Variants in IGFBP7 observed in about 807,000 individuals in gnomAD.
The protein encoded by IGFBP7 is insulin-like growth factor-binding protein 7.
Under a neutral mutation model 29.4 loss-of-function variants are expected in IGFBP7, and 31 were observed. The ratio of observed to expected loss-of-function variants is 1.05; its 90% CI spans 0.79 to 1.42. The LOEUF is 1.42. Among genes scored for constraint, IGFBP7 ranks in the 40% most tolerant of loss-of-function variants. IGFBP7 has a pLI of 0.00. For synonymous variants in IGFBP7, 172 were observed against 174.9 expected, an observed-to-expected ratio of 0.98 and a Z score of 0.13; for missense variants, 393 against 395.5, an observed-to-expected ratio of 0.99 and a Z score of 0.05.
chr4:57,039,749 T>C (rs1724174145), intron 2 of IGFBP7, among the ~76,000 whole-genome samples: 2 of 150,600 alleles, frequency 1.3e-5, no homozygotes, highest in African/African-American at 2.4e-5. Flanking sequence ...CTTAGTCTCC[T>C]GAGTAGCTGG....
intron 2 of IGFBP7, among the ~76,000 whole-genome samples, chr4:57,033,986 G>C (rs1246252473): frequency 1.4e-5 from 2 of 144,040 alleles, no homozygotes; most frequent in Non-Finnish European, 3.0e-5. Context: ...GGAGGCGGAG[G>C]TTGCAGTGAG....
intron 1 of IGFBP7, among the ~76,000 whole-genome samples, chr4:57,069,120 G>A (rs2109773529): frequency 6.6e-6 from 1 of 152,250 alleles, no homozygotes; most frequent in South Asian, 2.1e-4. Context: ...TCCTTCTAGG[G>A]GTGTTTTTAG....
chr4:57,034,177 G>C (rs1031427038), intron 2 of IGFBP7, among the ~76,000 whole-genome samples: 1 of 151,958 alleles, frequency 6.6e-6, no homozygotes, highest in Non-Finnish European at 1.5e-5. Flanking sequence ...TTTGGTGCAA[G>C]GCCAATACTG....
At chr4:57,109,808 C>A in intron 1 of IGFBP7, 69 bp downstream of exon 1, 1 of 1,469,486 alleles carries the variant, frequency 6.8e-7, no homozygotes. Context: ...CCGCCGCGGA[C>A]GCCCCGTCGG....
chr4:57,077,724 A>G (rs1256717377), intron 1 of IGFBP7, among the ~76,000 whole-genome samples: 2 of 152,232 alleles, frequency 1.3e-5, no homozygotes, highest in Admixed American at 6.5e-5. Flanking sequence ...AGGAAATGAA[A>G]TGCAAAGGGA....
chr4:57,108,607 T>A (rs1198559744), intron 1 of IGFBP7, among the ~76,000 whole-genome samples: 1 of 152,000 alleles, frequency 6.6e-6, no homozygotes, highest in African/African-American at 2.4e-5. Context: ...TGTCATGTGA[T>A]CTCGGCTCAC....
chr4:57,072,967 G>T, intron 1 of IGFBP7: 1 of 826,762 alleles, frequency 1.2e-6, no homozygotes, highest in Non-Finnish European at 2.1e-6. Flanking sequence ...GGTCTGCCCT[G>T]TATGATGTCA....
chr4:57,107,557 T>G (rs1181147485), intron 1 of IGFBP7, among the ~76,000 whole-genome samples: 1 of 152,222 alleles, frequency 6.6e-6, no homozygotes, highest in Admixed American at 6.5e-5. Context: ...CTATTGTCTC[T>G]GCTGTGGAAA....
chr4:57,033,582 A>G (rs568581929), intron 2 of IGFBP7, among the ~76,000 whole-genome samples: 1 of 152,096 alleles, frequency 6.6e-6, no homozygotes, highest in Non-Finnish European at 1.5e-5. Flanking sequence ...ATTTCCTGCC[A>G]CTGGTCACCA....
At chr4:57,053,363 G>C (rs1251285568) in intron 1 of IGFBP7, among the ~76,000 whole-genome samples, 1 of 151,968 alleles carries the variant, frequency 6.6e-6, no homozygotes, top group Non-Finnish European at 1.5e-5. Flanking sequence ...TATGGGTCTA[G>C]CATTAAAAAA....
chr4:57,041,208 A>C (rs967247547), intron 1 of IGFBP7, among the ~76,000 whole-genome samples: 1 of 152,202 alleles, frequency 6.6e-6, no homozygotes, highest in Non-Finnish European at 1.5e-5. Flanking sequence ...AATGAGTGCT[A>C]ATTTACCAGC....
intron 1 of IGFBP7, among the ~76,000 whole-genome samples, chr4:57,053,019 C>CTTTT (rs60116761): frequency 0.2 from 28,521 of 140,578 alleles, 3,036 homozygotes; most frequent in East Asian, 0.32. Flanking sequence ...TCTTTTCTAT[C>CTTTT]TTTTTTTTTT....
chr4:57,098,564 T>C (rs1413227053), intron 1 of IGFBP7, among the ~76,000 whole-genome samples: 1 of 152,162 alleles, frequency 6.6e-6, no homozygotes, highest in African/African-American at 2.4e-5. Flanking sequence ...GAGGCTCTGA[T>C]CTGAGACACA....
chr4:57,103,648 TTTTTTTCTTTTC>T (rs1384251035), intron 1 of IGFBP7, among the ~76,000 whole-genome samples: 183 of 96,300 alleles, frequency 1.9e-3, no homozygotes, highest in African/African-American at 6.8e-3. Context: ...TTTTCTTTTT[TTTTTTTCTTTTC>T]TTTTTTTTTT....
At chr4:57,059,489 A>G (rs1724747190) in intron 1 of IGFBP7, among the ~76,000 whole-genome samples, 1 of 152,188 alleles carries the variant, frequency 6.6e-6, no homozygotes, top group Non-Finnish European at 1.5e-5. Flanking sequence ...GCAAACTAAC[A>G]CAGGAACAGA....
chr4:57,054,639 C>CAAAAA (rs75161514), intron 1 of IGFBP7, among the ~76,000 whole-genome samples: 2 of 27,890 alleles, frequency 7.2e-5, no homozygotes, highest in African/African-American at 9.6e-5. Flanking sequence ...CTCTCTCTCA[C>CAAAAA]AAAAAAAAAA....
At chr4:57,062,653 AG>A (rs1420498152) in intron 1 of IGFBP7, among the ~76,000 whole-genome samples, 2 of 152,222 alleles carry the variant, frequency 1.3e-5, no homozygotes, top group African/African-American at 2.4e-5. Flanking sequence ...GTTTTCAATC[AG>A]TGTTTAATGT....
chr4:57,077,308 C>T (rs1725252696), intron 1 of IGFBP7, among the ~76,000 whole-genome samples: 1 of 152,184 alleles, frequency 6.6e-6, no homozygotes, highest in Admixed American at 6.5e-5. Context: ...GAGTCTCACT[C>T]TGTCTGTCGC....
At chr4:57,071,624 G>A (rs796887688) in intron 1 of IGFBP7, among the ~76,000 whole-genome samples, 3 of 152,148 alleles carry the variant, frequency 2.0e-5, no homozygotes, top group Non-Finnish European at 4.4e-5. Context: ...CAGGCTCTCC[G>A]CCCAGAATAA....
Sources: allele counts gnomAD v4.1 joint callset (sites outside exome capture counted in the v4.1 genomes callset), GRCh38; gene constraint gnomAD v4.1.1; transcripts MANE v1.5; gene names NCBI Gene and HGNC (gene_info 2026-07-23, HGNC 2026-07-21).